MTMR9: variants seen among roughly 807,000 people sequenced by gnomAD.
The protein encoded by MTMR9 is myotubularin-related protein 9.
In MTMR9, 39 loss-of-function variants were observed where a neutral mutation model predicts 69.5. That is an observed-to-expected ratio of 0.56 (90% confidence interval 0.43 to 0.73). MTMR9 has a LOEUF of 0.73. Among genes scored for constraint, MTMR9 ranks in the 30% least tolerant of loss-of-function variants. The probability of loss-of-function intolerance (pLI) is 0.00; values close to 1 mark genes in which losing one functional copy is unlikely to be tolerated. For synonymous variants in MTMR9, 354 were observed against 240.8 expected, an observed-to-expected ratio of 1.47 and a Z score of -4.35; for missense variants, 900 against 671.2, an observed-to-expected ratio of 1.34 and a Z score of -3.77.
At chr8:11,305,417 A>G (rs551813578) in intron 4 of MTMR9, among the ~76,000 whole-genome samples, 7 of 152,328 alleles carry the variant, frequency 4.6e-5, no homozygotes, top group South Asian at 2.1e-4. Context: ...TTTATTTTCA[A>G]AGGTGAAAAG....
At chr8:11,288,444 C>T (rs546584876) in intron 1 of MTMR9, among the ~76,000 whole-genome samples, 1 of 149,774 alleles carries the variant, frequency 6.7e-6, no homozygotes. Context: ...GAGGCAGTTT[C>T]CTTAGAAAGG....
chr8:11,301,882 A>T (rs746903954), intron 3 of MTMR9, among the ~76,000 whole-genome samples: 3 of 152,222 alleles, frequency 2.0e-5, no homozygotes, highest in Non-Finnish European at 4.4e-5. Context: ...GAGAAGGAAG[A>T]TGGAAAAACA....
chr8:11,304,326 G>A (rs1010790318), intron 3 of MTMR9, among the ~76,000 whole-genome samples: 9 of 152,100 alleles, frequency 5.9e-5, no homozygotes, highest in African/African-American at 2.2e-4. Context: ...TTTGTTCTGG[G>A]GATGCATTAT....
intron 1 of MTMR9, among the ~76,000 whole-genome samples, chr8:11,287,547 A>G (rs930084274): frequency 6.6e-5 from 10 of 151,150 alleles, no homozygotes; most frequent in African/African-American, 2.4e-4. Flanking sequence ...CTTTACATCC[A>G]CCTGTTTTCC....
chr8:11,306,517 A>G, intron 5 of MTMR9, 110 bp downstream of exon 5: 1 of 921,122 alleles, frequency 1.1e-6, no homozygotes, highest in Non-Finnish European at 1.6e-6. Flanking sequence ...GCATTAATTT[A>G]GGGTCAATGA....
At chr8:11,331,180 T>G, downstream of MTMR9, 23 of 1,613,548 alleles carry the variant, frequency 1.4e-5, no homozygotes, top group Non-Finnish European at 1.8e-5. Flanking sequence ...CCACCCAGCC[T>G]CCGCTGGCAC....
Position 11,286,135 on chromosome 8 carries a change from G to T in MTMR9, c.182+1065G>T, listed in dbSNP as rs1179090854. 4.0e-5 allele frequency among the ~76,000 whole-genome samples: 6 copies of T among 151,326 alleles called. No individual in the cohort carries two copies. The East Asian group carries it at 7.9e-4, about 20-fold the overall frequency. On this transcript the variant is annotated intron_variant, in intron 1 of 9. Transcript: ENST00000221086. ...ACCCGGCTAATTTTTGTATTTTTTA[G>T]TAGAGATGGGGTTTCACCATATTGA...
the MTMR9 span, among the ~76,000 whole-genome samples, chr8:11,333,842 C>T: frequency 6.6e-6 from 1 of 152,168 alleles, no homozygotes; most frequent in East Asian, 1.9e-4. Flanking sequence ...TGAATGTCCC[C>T]TCTAAAATGC....
At chr8:11,289,369 CTT>C (rs772886663) in intron 1 of MTMR9, among the ~76,000 whole-genome samples, 1 of 152,192 alleles carries the variant, frequency 6.6e-6, no homozygotes, top group Non-Finnish European at 1.5e-5. Flanking sequence ...CTCGTAGAAA[CTT>C]AAGTTTAAAT....
chr8:11,289,632 A>G (rs1207143753), intron 1 of MTMR9, among the ~76,000 whole-genome samples: 2 of 152,132 alleles, frequency 1.3e-5, no homozygotes, highest in Non-Finnish European at 2.9e-5. Context: ...CCTCATCCAC[A>G]ATCCCTGTAG....
downstream of MTMR9, among the ~76,000 whole-genome samples, chr8:11,328,373 T>TGTGTGTGTG (rs58161499): frequency 3.7e-4 from 48 of 128,976 alleles, no homozygotes; most frequent in East Asian, 7.0e-3. Flanking sequence ...GTGTGTGTGT[T>TGTGTGTGTG]TGTTACACTG....
intron 2 of MTMR9, among the ~76,000 whole-genome samples, chr8:11,297,231 C>T (rs1799592891): frequency 6.6e-6 from 1 of 152,030 alleles, no homozygotes; most frequent in Admixed American, 6.6e-5. Flanking sequence ...ATTTTTAAAA[C>T]AGGAATAGAG....
the MTMR9 span, among the ~76,000 whole-genome samples, chr8:11,338,993 G>A: frequency 6.6e-6 from 1 of 152,162 alleles, no homozygotes; most frequent in African/African-American, 2.4e-5. Context: ...CACCATGACT[G>A]CTTTTAGAGT....
chr8:11,309,471 T>G, intron 5 of MTMR9, 56 bp from the exon 6 acceptor site: 1 of 1,490,538 alleles, frequency 6.7e-7, no homozygotes, highest in Non-Finnish European at 9.1e-7. Context: ...TTGGTTTGGT[T>G]TCTTTATCTT....
At chr8:11,328,695 T>G (rs1417060007), downstream of MTMR9, among the ~76,000 whole-genome samples, 5 of 152,192 alleles carry the variant, frequency 3.3e-5, no homozygotes, top group African/African-American at 1.2e-4. Flanking sequence ...AAGAACAGAA[T>G]ATAATCTCCA....
the MTMR9 span, among the ~76,000 whole-genome samples, chr8:11,336,897 A>G: frequency 6.6e-6 from 1 of 152,166 alleles, no homozygotes; most frequent in African/African-American, 2.4e-5. Flanking sequence ...TATGCATCCA[A>G]CTGTTTAGCT....
intron 7 of MTMR9, 32 bp from the exon 8 acceptor site, chr8:11,316,641 A>C (rs763512775): frequency 2.4e-5 from 35 of 1,473,542 alleles, no homozygotes; most frequent in Non-Finnish European, 3.2e-5. Context: ...TCTCACCAGG[A>C]TATGACTGTC....
In MTMR9 at chr8:11,306,367, CATT is replaced by C. The variant is rs1408702227; in HGVS notation, c.772_774del (p.Tyr258del). The C allele has an allele frequency of 6.2e-7, 1 of 1,613,894 alleles. No individual in the cohort carries two copies. The highest frequency in any genetic ancestry group is 8.5e-7 in the Non-Finnish European group (1 of 1,179,952). On this transcript the variant is annotated inframe_deletion, in exon 5 of 10. Transcript: ENST00000221086. ...AGGAGGTGGCTTTGAACAAGAAGCT[CATT>C]ATCCTCAGTGGAGGCGAATTCATAA...
At chr8:11,287,793 TAA>T (rs1252545321) in intron 1 of MTMR9, among the ~76,000 whole-genome samples, 2 of 20,536 alleles carry the variant, frequency 9.7e-5, no homozygotes. Flanking sequence ...ATATTATATA[TAA>T]TACATATTAT....
Sources: allele counts gnomAD v4.1 joint callset (sites outside exome capture counted in the v4.1 genomes callset), GRCh38; gene constraint gnomAD v4.1.1; transcripts MANE v1.5; gene names NCBI Gene and HGNC (gene_info 2026-07-23, HGNC 2026-07-21).